Variants in SPECC1L observed in about 807,000 individuals in gnomAD.
The protein encoded by SPECC1L is sperm antigen with calponin homology and coiled-coil domains 1 like.
SPECC1L carries 40 observed loss-of-function variants against 116.8 expected under a neutral mutation model. That is an observed-to-expected ratio of 0.34 (90% confidence interval 0.27 to 0.45). The LOEUF is 0.45. Among genes scored for constraint, SPECC1L ranks in the 20% least tolerant of loss-of-function variants. SPECC1L has a pLI of 1.00. For missense variants in SPECC1L, 1,110 were observed against 1,373.6 expected (o/e 0.81, Z 3.03); for synonymous variants, 504 against 500.6 (o/e 1.01, Z -0.09).
intron 1 of SPECC1L, among the ~76,000 whole-genome samples, chr22:24,272,364 C>CA (rs1008826545): frequency 6.6e-6 from 1 of 151,382 alleles, no homozygotes; most frequent in African/African-American, 2.4e-5. Flanking sequence ...GGCTCCGTCT[C>CA]AAAAAAACAA....
intron 14 of SPECC1L, among the ~76,000 whole-genome samples, chr22:24,400,714 C>T (rs2042456682): frequency 6.6e-6 from 1 of 152,232 alleles, no homozygotes; most frequent in Non-Finnish European, 1.5e-5. Flanking sequence ...TATCTGCATC[C>T]TCACCATGTT....
At chr22:24,332,440 T>G (rs895736206) in intron 8 of SPECC1L, among the ~76,000 whole-genome samples, 5 of 152,240 alleles carry the variant, frequency 3.3e-5, no homozygotes, top group African/African-American at 4.8e-5. Flanking sequence ...AAAAGTTCAC[T>G]TATATGGTTT....
At chr22:24,367,287 T>C (rs980509864) in intron 13 of SPECC1L, among the ~76,000 whole-genome samples, 16 of 152,228 alleles carry the variant, frequency 1.1e-4, no homozygotes, top group African/African-American at 3.4e-4. Context: ...ACTGTGTCTT[T>C]CTCTTTCCCT....
chr22:24,288,615 CTTTTTTTTTTTTTTTT>C (rs756714389), intron 2 of SPECC1L, among the ~76,000 whole-genome samples: 35 of 61,674 alleles, frequency 5.7e-4, no homozygotes, highest in African/African-American at 1.6e-3. Flanking sequence ...AAATTTTAAG[CTTTTTTTTTTTTTTTT>C]TTTTTTTTTT....
At chr22:24,360,154 C>G (rs1167079627) in intron 11 of SPECC1L, among the ~76,000 whole-genome samples, 1 of 152,196 alleles carries the variant, frequency 6.6e-6, no homozygotes, top group Non-Finnish European at 1.5e-5. Context: ...CATAATATCT[C>G]CTGCCTGCTA....
At chr22:24,390,872 C>CTTTTCTTTTTTT (rs2042253331) in intron 14 of SPECC1L, among the ~76,000 whole-genome samples, 11 of 57,112 alleles carry the variant, frequency 1.9e-4, no homozygotes, top group African/African-American at 8.3e-4. Flanking sequence ...TTTTTCTTTT[C>CTTTTCTTTTTTT]TTTTTTTTTT....
Position 24,417,196 on chromosome 22 carries a change from C to T in SPECC1L, c.*2573C>T, listed in dbSNP as rs906396325. 2.0e-5 allele frequency: 3 copies of T among 152,570 alleles called. No individual in the cohort carries two copies. The highest frequency in any genetic ancestry group is 2.9e-5 in the Non-Finnish European group (2 of 68,032). 9.5% of individuals were successfully genotyped at this position (152,570 alleles called of 1,614,324 possible). ...CCCAGGCTTCTGCGGACCGACGATA[C>T]GTTTAAATGTTGTTCTAGTAAATAT... On this transcript the variant is annotated 3_prime_UTR_variant, in exon 17 of 17. Coordinates refer to ENST00000314328, the MANE Select transcript of SPECC1L (RefSeq NM_015330.6).
At chr22:24,329,830 T>C (rs1306051197) in intron 7 of SPECC1L, among the ~76,000 whole-genome samples, 1 of 152,194 alleles carries the variant, frequency 6.6e-6, no homozygotes, top group Non-Finnish European at 1.5e-5. Flanking sequence ...TAGATTTTGA[T>C]GTCAGGCTAT....
chr22:24,289,300 T>C (rs1302517314), intron 2 of SPECC1L, among the ~76,000 whole-genome samples: 1 of 152,260 alleles, frequency 6.6e-6, no homozygotes, highest in Admixed American at 6.5e-5. Context: ...AAATCACTTA[T>C]GTACTGTTGC....
intron 2 of SPECC1L, among the ~76,000 whole-genome samples, chr22:24,285,941 G>A (rs765193319): frequency 2.6e-5 from 4 of 152,208 alleles, no homozygotes; most frequent in African/African-American, 9.6e-5. Flanking sequence ...CGCCTGGCGC[G>A]CTGTTCTTTT....
intron 9 of SPECC1L, among the ~76,000 whole-genome samples, chr22:24,336,895 A>G (rs2041071530): frequency 6.6e-6 from 1 of 152,212 alleles, no homozygotes; most frequent in Non-Finnish European, 1.5e-5. Context: ...CATTCAGTAC[A>G]GCATTCAGTA....
intron 8 of SPECC1L, among the ~76,000 whole-genome samples, chr22:24,332,210 T>C (rs910191388): frequency 6.6e-5 from 10 of 152,208 alleles, no homozygotes; most frequent in African/African-American, 2.2e-4. Flanking sequence ...AAATGTGGGC[T>C]TTGAAGTGAA....
Position 24,415,886 on chromosome 22 carries a change from A to G in SPECC1L, c.*1263A>G, listed in dbSNP as rs1470818659. 2.6e-5 allele frequency: 4 copies of G among 152,196 alleles called. No individual in the cohort carries two copies. The highest frequency in any genetic ancestry group is 7.2e-5 in the African/African-American group (3 of 41,444). 9.4% of individuals were successfully genotyped at this position (152,196 alleles called of 1,614,324 possible). On this transcript the variant is annotated 3_prime_UTR_variant, in exon 17 of 17. Transcript: ENST00000314328. ...GCTCTCAGGCCAGAACTCAACAGCTATTTTTGGGAATAGGGATCTCCCGTG... is the reference window on the plus strand; with the variant it reads ...GCTCTCAGGCCAGAACTCAACAGCTGTTTTTGGGAATAGGGATCTCCCGTG...
At chr22:24,395,567 A>G (rs941212099) in intron 14 of SPECC1L, among the ~76,000 whole-genome samples, 11 of 152,194 alleles carry the variant, frequency 7.2e-5, no homozygotes, top group African/African-American at 2.4e-4. Context: ...TTTAAGAGAC[A>G]TTTTCATGGA....
At chr22:24,364,459 T>A (rs2041711209) in intron 12 of SPECC1L, among the ~76,000 whole-genome samples, 1 of 152,008 alleles carries the variant, frequency 6.6e-6, no homozygotes, top group South Asian at 2.1e-4. Context: ...GGTCAGGAGT[T>A]CGAGACCAGC....
intron 13 of SPECC1L, among the ~76,000 whole-genome samples, chr22:24,367,661 C>G (rs1349832686): frequency 6.6e-6 from 1 of 152,094 alleles, no homozygotes; most frequent in Non-Finnish European, 1.5e-5. Context: ...CCTTTTGGTT[C>G]TTAGAGCAAT....
At chr22:24,315,250 G>T (rs1426557340) in intron 4 of SPECC1L, among the ~76,000 whole-genome samples, 2 of 152,206 alleles carry the variant, frequency 1.3e-5, no homozygotes, top group Non-Finnish European at 2.9e-5. Context: ...GGGCCTCCCT[G>T]TTAATGATAA....
rs149965566 is a variant in SPECC1L at position 24,355,826 on chromosome 22, G to GTT, written c.2744-7426_2744-7425dup. On this transcript the variant is annotated intron_variant, in intron 11 of 16. Coordinates refer to ENST00000314328, the MANE Select transcript of SPECC1L (RefSeq NM_015330.6). Reference sequence around the variant, plus strand: ...TTCTCTCCCTCCCTCCCCCCGTTCTGTTTTTTTTTTAATTTACATACAGTA... The same window carrying GTT: ...TTCTCTCCCTCCCTCCCCCCGTTCTGTTTTTTTTTTTTAATTTACATACAGTA... 9.9e-4 allele frequency among the ~76,000 whole-genome samples: 142 copies of GTT among 143,658 alleles called. 2 individuals are homozygous for GTT. The South Asian group carries it at 0.011, about 11-fold the overall frequency. 94.2% of individuals were successfully genotyped at this position (143,658 alleles called of 152,430 possible). A position where few individuals can be genotyped will look rare whatever the true frequency, so the allele number is the denominator to read the frequency against.
intron 14 of SPECC1L, among the ~76,000 whole-genome samples, chr22:24,402,465 ACT>A (rs1301535498): frequency 2.0e-5 from 3 of 151,952 alleles, no homozygotes; most frequent in African/African-American, 7.3e-5. Context: ...AGGCTCCCAA[ACT>A]CTGCCACAGT....
Sources: gnomAD v4.1 joint callset for allele counts (sites outside exome capture counted in the v4.1 genomes callset) on GRCh38, gnomAD v4.1.1 for gene constraint, MANE v1.5 for transcripts, NCBI Gene and HGNC (gene_info 2026-07-23, HGNC 2026-07-21) for gene names.